The following ADAMTS17 variants were observed in gnomAD, a reference collection of about 807,000 sequenced individuals.
The protein encoded by ADAMTS17 is A disintegrin and metalloproteinase with thrombospondin motifs 17.
In ADAMTS17, 113 loss-of-function variants were observed where a neutral mutation model predicts 141.5. That is an observed-to-expected ratio of 0.80 (90% confidence interval 0.69 to 0.93). The LOEUF is 0.93. ADAMTS17 is among the 40% of genes least tolerant of loss of function. The probability of loss-of-function intolerance (pLI) is 0.00; values close to 1 mark genes in which losing one functional copy is unlikely to be tolerated. For missense variants in ADAMTS17, 1,659 were observed against 1,517.9 expected, an observed-to-expected ratio of 1.09 and a Z score of -1.54; for synonymous variants, 768 against 630.6, an observed-to-expected ratio of 1.22 and a Z score of -3.27.
intron 8 of ADAMTS17, among the ~76,000 whole-genome samples, chr15:100,162,812 CAT>C (rs1422190378): frequency 7.6e-6 from 1 of 131,170 alleles, no homozygotes; most frequent in Non-Finnish European, 1.5e-5. Flanking sequence ...TATATGCACA[CAT>C]ACACATTATA....
rs1186872544 is a variant in ADAMTS17 at position 100,339,003 on chromosome 15, G to C, written c.450+2036C>G. On this transcript the variant is annotated intron_variant, in intron 2 of 21. Coordinates refer to ENST00000268070, the MANE Select transcript of ADAMTS17 (RefSeq NM_139057.4). ...CCTCCGGCCTTCAGTACGTACAGAG[G>C]GGGAAGTGTCCAATGTCCAGCTCAC... 7.1e-6 allele frequency: 7 copies of C among 985,404 alleles called. No individual in the cohort carries two copies. In the South Asian group the frequency reaches 2.8e-4, roughly 40 times the overall value. The allele number at this position is 985,404 out of a possible 1,614,324, so 61.0% of individuals were successfully genotyped here. A position where few individuals can be genotyped will look rare whatever the true frequency, so the allele number is the denominator to read the frequency against.
chr15:100,242,790 T>G (rs139842486), intron 7 of ADAMTS17, among the ~76,000 whole-genome samples: 110 of 152,362 alleles, frequency 7.2e-4, no homozygotes, highest in Middle Eastern at 3.4e-3. Flanking sequence ...CTGCTCCCTC[T>G]GTCATCTTAC....
In ADAMTS17 at chr15:100,249,778, G is replaced by A. The variant is rs181367371; in HGVS notation, c.1075+4358C>T. On this transcript the variant is annotated intron_variant, in intron 7 of 21. Transcript: ENST00000268070. ...TATTTTTACGGAAGCCCCAAACCTCGCAGCGCCTCAGAGTTTATTCCAATG... is the reference window on the plus strand; with the variant it reads ...TATTTTTACGGAAGCCCCAAACCTCACAGCGCCTCAGAGTTTATTCCAATG... Among the ~76,000 whole-genome samples, 11 of 152,304 alleles carry A rather than the reference G, an allele frequency of 7.2e-5. No individual in the cohort carries two copies. In the East Asian group the frequency reaches 1.4e-3, roughly 19 times the overall value.
At chr15:100,282,622 C>T (rs1366643998) in intron 3 of ADAMTS17, among the ~76,000 whole-genome samples, 2 of 152,096 alleles carry the variant, frequency 1.3e-5, no homozygotes, top group East Asian at 3.9e-4. Flanking sequence ...CCTGGTTGAC[C>T]GTGAATAAAT....
At chr15:100,181,156 C>A (rs1326124095) in intron 8 of ADAMTS17, among the ~76,000 whole-genome samples, 1 of 152,138 alleles carries the variant, frequency 6.6e-6, no homozygotes, top group East Asian at 1.9e-4. Flanking sequence ...AAGGCTCAAG[C>A]ACTCTTCAGT....
At chr15:100,152,221 T>C (rs1321699373) in intron 10 of ADAMTS17, among the ~76,000 whole-genome samples, 1 of 152,198 alleles carries the variant, frequency 6.6e-6, no homozygotes, top group Non-Finnish European at 1.5e-5. Context: ...CATGCAGTGT[T>C]TGAAGTCAGG....
At chr15:100,338,887 AG>A (rs1383209807) in intron 2 of ADAMTS17, 1 of 950,314 alleles carries the variant, frequency 1.1e-6, no homozygotes, top group Non-Finnish European at 1.3e-6. Context: ...AAACTTGGTT[AG>A]CCCAAATTCC....
intron 3 of ADAMTS17, among the ~76,000 whole-genome samples, chr15:100,330,279 T>A (rs1484088247): frequency 2.0e-5 from 3 of 152,166 alleles, no homozygotes; most frequent in African/African-American, 7.2e-5. Flanking sequence ...GGCCAGTGCA[T>A]GGCAAGTTTT....
At chr15:100,081,592 A>G (rs74991468) in intron 15 of ADAMTS17, among the ~76,000 whole-genome samples, 4,170 of 152,340 alleles carry the variant, frequency 0.027, 78 homozygotes, top group Non-Finnish European at 0.042. Context: ...ATGCATAGAT[A>G]TAATGTCCTA....
intron 7 of ADAMTS17, among the ~76,000 whole-genome samples, chr15:100,246,533 G>A (rs181147064): frequency 1.8e-3 from 267 of 152,280 alleles, no homozygotes; most frequent in African/African-American, 5.7e-3. Flanking sequence ...TTGGAACAAC[G>A]AATATGTAAT....
intron 20 of ADAMTS17, among the ~76,000 whole-genome samples, chr15:99,977,198 A>T (rs1469830): frequency 1.3e-5 from 2 of 150,088 alleles, no homozygotes; most frequent in Non-Finnish European, 3.0e-5. Flanking sequence ...GTGTTGATTT[A>T]GACATCCCTG....
At chr15:100,069,361 G>A (rs2033800428) in intron 15 of ADAMTS17, among the ~76,000 whole-genome samples, 1 of 152,144 alleles carries the variant, frequency 6.6e-6, no homozygotes, top group South Asian at 2.1e-4. Flanking sequence ...TAGCAAGGCA[G>A]GCCAACACTC....
At chr15:100,136,072 C>T (rs527436222) in intron 10 of ADAMTS17, among the ~76,000 whole-genome samples, 11 of 152,286 alleles carry the variant, frequency 7.2e-5, no homozygotes, top group South Asian at 4.1e-4. Context: ...AATTCGAATC[C>T]TAAGTATATA....
At chr15:100,101,324 A>G (rs999722165) in intron 14 of ADAMTS17, among the ~76,000 whole-genome samples, 1 of 152,202 alleles carries the variant, frequency 6.6e-6, no homozygotes, top group African/African-American at 2.4e-5. Context: ...GTGAGCTGAC[A>G]TGGCCTGTCT....
intron 8 of ADAMTS17, among the ~76,000 whole-genome samples, chr15:100,188,188 T>C (rs1215144036): frequency 6.6e-6 from 1 of 152,098 alleles, no homozygotes; most frequent in African/African-American, 2.4e-5. Context: ...GGGATTCTCC[T>C]GCCTCAGCCT....
chr15:100,099,708 C>T, intron 14 of ADAMTS17, among the ~76,000 whole-genome samples: 1 of 152,148 alleles, frequency 6.6e-6, no homozygotes, highest in East Asian at 1.9e-4. Flanking sequence ...GACCAAGGAA[C>T]AATGTCCCAC....
chr15:99,996,462 A>C (rs1211724431), intron 19 of ADAMTS17, among the ~76,000 whole-genome samples: 1 of 152,382 alleles, frequency 6.6e-6, no homozygotes, highest in East Asian at 1.9e-4. Flanking sequence ...CAAAAAAATC[A>C]AACAACAAAA....
intron 18 of ADAMTS17, among the ~76,000 whole-genome samples, chr15:100,047,527 A>T (rs1484305463): frequency 6.6e-6 from 1 of 151,570 alleles, no homozygotes; most frequent in Admixed American, 6.6e-5. Context: ...TTTATTTCTC[A>T]AGCCAGCCGA....
At chr15:100,232,981 T>C (rs181143661) in intron 7 of ADAMTS17, among the ~76,000 whole-genome samples, 3 of 152,124 alleles carry the variant, frequency 2.0e-5, no homozygotes, top group Admixed American at 6.6e-5. Flanking sequence ...TCAGTAAATA[T>C]GGGTTGAATC....
Sources: allele counts gnomAD v4.1 joint callset (sites outside exome capture counted in the v4.1 genomes callset), GRCh38; gene constraint gnomAD v4.1.1; transcripts MANE v1.5; gene names NCBI Gene and HGNC (gene_info 2026-07-23, HGNC 2026-07-21).